Variants in FREM1 observed in about 807,000 individuals in gnomAD.
FREM1 encodes FRAS1-related extracellular matrix protein 1.
In FREM1, 220 loss-of-function variants were observed where a neutral mutation model predicts 210.1. The observed-to-expected ratio is 1.05, with a 90% CI of 0.94 to 1.17. The LOEUF is 1.17. FREM1 is among the 50% of genes most tolerant of loss of function. FREM1 has a pLI of 0.00. For missense variants in FREM1, 3,454 were observed against 2,675.5 expected, an observed-to-expected ratio of 1.29 and a Z score of -6.42; for synonymous variants, 1,189 against 980.2, an observed-to-expected ratio of 1.21 and a Z score of -3.98.
chr9:14,816,207 C>G (rs1366543517), intron 15 of FREM1, among the ~76,000 whole-genome samples: 3 of 152,060 alleles, frequency 2.0e-5, no homozygotes, highest in Non-Finnish European at 4.4e-5. Context: ...AATTAAATAT[C>G]TATGTTTGAA....
rs1256553223 is a variant in FREM1 at position 14,808,374 on chromosome 9, G to A, written c.2894-240C>T. ...CCCTACTAGCCATCTATCATGATAAGGAGGGACAAAACTGGGCCAACAAGG... is the reference window on the plus strand; with the variant it reads ...CCCTACTAGCCATCTATCATGATAAAGAGGGACAAAACTGGGCCAACAAGG... On this transcript the variant is annotated intron_variant, in intron 16 of 36. Coordinates refer to ENST00000380880, the MANE Select transcript of FREM1 (RefSeq NM_001379081.2). 2.6e-5 allele frequency among the ~76,000 whole-genome samples: 4 copies of A among 152,206 alleles called. No homozygotes were observed. The East Asian group carries it at 7.7e-4, about 29-fold the overall frequency.
intron 1 of FREM1, among the ~76,000 whole-genome samples, chr9:14,904,188 C>T (rs527283039): frequency 6.6e-6 from 1 of 151,346 alleles, no homozygotes; most frequent in African/African-American, 2.4e-5. Flanking sequence ...GACTAGTTTC[C>T]TCCTTAAAAG....
At chr9:14,818,252 C>A (rs1279164150) in intron 14 of FREM1, among the ~76,000 whole-genome samples, 2 of 152,238 alleles carry the variant, frequency 1.3e-5, no homozygotes, top group African/African-American at 4.8e-5. Flanking sequence ...CTAAACAGGG[C>A]TCTCTATCTA....
intron 1 of FREM1, among the ~76,000 whole-genome samples, chr9:14,902,778 G>T (rs138279568): frequency 6.6e-6 from 1 of 152,282 alleles, no homozygotes; most frequent in East Asian, 1.9e-4. Flanking sequence ...CCATCCTGCT[G>T]CCAAACTCTA....
chr9:14,824,048 G>A lies in FREM1; in HGVS notation c.2146C>T (p.Leu716=). The A allele has an allele frequency of 1.3e-6, 2 of 1,593,586 alleles. No homozygotes were observed. Among genetic ancestry groups the A allele is most frequent in the Non-Finnish European group, 1.7e-6 (2 of 1,168,652 alleles). The change falls in exon 12 of 37, where the codon CTG becomes TTG. Residue 716 remains leucine, a synonymous_variant. Coordinates refer to ENST00000380880, the MANE Select transcript of FREM1 (RefSeq NM_001379081.2). ...IPKVVKNPTA[L]ELRSFTQHAV... Reference sequence around the variant, plus strand: ...ACCTGAGTGAATGACCTCAGCTCCAGGGCCGTAGGATTCTTAACTACTTTT... The same window carrying A: ...ACCTGAGTGAATGACCTCAGCTCCAAGGCCGTAGGATTCTTAACTACTTTT...
intron 1 of FREM1, among the ~76,000 whole-genome samples, chr9:14,879,805 G>T (rs937417389): frequency 1.6e-4 from 24 of 152,158 alleles, no homozygotes; most frequent in African/African-American, 5.5e-4. Context: ...GACATGTGTT[G>T]TATTAACATG....
chr9:14,818,068 T>C (rs1376211434), intron 14 of FREM1, among the ~76,000 whole-genome samples: 1 of 152,216 alleles, frequency 6.6e-6, no homozygotes, highest in Non-Finnish European at 1.5e-5. Flanking sequence ...CTCAATCTCT[T>C]TGTGCTTAGT....
intron 1 of FREM1, among the ~76,000 whole-genome samples, chr9:14,899,158 A>G (rs1358471006): frequency 6.6e-6 from 1 of 152,128 alleles, no homozygotes; most frequent in Non-Finnish European, 1.5e-5. Flanking sequence ...CGGGCTTTTG[A>G]GGACTGTCTC....
At chr9:14,872,574 A>G (rs1423949883) in intron 1 of FREM1, among the ~76,000 whole-genome samples, 2 of 152,148 alleles carry the variant, frequency 1.3e-5, no homozygotes, top group African/African-American at 4.8e-5. Flanking sequence ...TTGGACTGAG[A>G]CAATGGGGTT....
At chr9:14,799,255 C>A (rs1588054263) in intron 20 of FREM1, among the ~76,000 whole-genome samples, 1 of 150,868 alleles carries the variant, frequency 6.6e-6, no homozygotes, top group East Asian at 2.0e-4. Context: ...AACCACAATC[C>A]AGCCTAAGTG....
intron 3 of FREM1, among the ~76,000 whole-genome samples, chr9:14,861,819 TTGTTAC>T (rs1830655878): frequency 6.6e-6 from 1 of 152,126 alleles, no homozygotes. Context: ...CTTAACCTTT[TTGTTAC>T]AAACAATCCA....
At position 14,854,969 on chromosome 9, in the gene FREM1, T is replaced by C. The variant is rs921864121; in HGVS notation, c.828+2584A>G. 3.9e-5 allele frequency among the ~76,000 whole-genome samples: 6 copies of C among 152,232 alleles called. No individual in the cohort carries two copies. In the South Asian group the frequency reaches 8.3e-4, roughly 21 times the overall value. ...GGATGAAAAGACTTAATATTGTAAA[T>C]GTTCCATTATTCTAATTTTCCCCAA... On this transcript the variant is annotated intron_variant, in intron 5 of 36. Transcript: ENST00000380880.
chr9:14,873,244 G>A (rs1833041188), intron 1 of FREM1, among the ~76,000 whole-genome samples: 1 of 152,110 alleles, frequency 6.6e-6, no homozygotes, highest in African/African-American at 2.4e-5. Flanking sequence ...AGAAGGAATG[G>A]TACCAGCTCC....
rs1845171923 is a variant in FREM1, at chr9:14,759,904, G to A, written c.5205-3C>T. On this transcript the variant is annotated splice_polypyrimidine_tract_variant and splice_region_variant and intron_variant, in intron 27 of 36. Coordinates refer to ENST00000380880, the MANE Select transcript of FREM1 (RefSeq NM_001379081.2). The stretch of plus-strand genomic sequence containing the variant: ...TATGAGACCACTTCAGTTCCAAACT[G>A]TGTGTGAAAGGAAAAGAGAAATCAT... 1.2e-6 allele frequency: 2 copies of A among 1,605,314 alleles called. No individual in the cohort carries two copies. Among genetic ancestry groups the A allele is most frequent in the Admixed American group, 1.7e-5 (1 of 59,256 alleles).
At chr9:14,866,703 A>G (rs1831586488) in intron 2 of FREM1, among the ~76,000 whole-genome samples, 1 of 152,178 alleles carries the variant, frequency 6.6e-6, no homozygotes, top group Non-Finnish European at 1.5e-5. Flanking sequence ...TTTTAAAAAT[A>G]TATTGATTGG....
chr9:14,867,338 A>C (rs1301444920), intron 2 of FREM1, among the ~76,000 whole-genome samples: 2 of 152,194 alleles, frequency 1.3e-5, no homozygotes, highest in Non-Finnish European at 2.9e-5. Flanking sequence ...ATGCAAGTAT[A>C]ATTGGGAGTA....
intron 5 of FREM1, among the ~76,000 whole-genome samples, chr9:14,854,780 G>A (rs887863376): frequency 2.6e-5 from 4 of 152,002 alleles, no homozygotes; most frequent in African/African-American, 9.7e-5. Flanking sequence ...TAACCATTGA[G>A]AAGATATAAT....
At chr9:14,897,231 G>A (rs1367545632) in intron 1 of FREM1, among the ~76,000 whole-genome samples, 1 of 152,156 alleles carries the variant, frequency 6.6e-6, no homozygotes. Flanking sequence ...TCACTACAAT[G>A]TATGAACTCA....
intron 24 of FREM1, among the ~76,000 whole-genome samples, chr9:14,778,873 T>C (rs958212775): frequency 6.6e-6 from 1 of 151,882 alleles, no homozygotes; most frequent in Non-Finnish European, 1.5e-5. Context: ...CAAAAGCCCA[T>C]CTTAAAAAAA....
Sources: gnomAD v4.1 joint callset for allele counts (sites outside exome capture counted in the v4.1 genomes callset) on GRCh38, gnomAD v4.1.1 for gene constraint, MANE v1.5 for transcripts, NCBI Gene and HGNC (gene_info 2026-07-23, HGNC 2026-07-21) for gene names.